Variants in CFAP77 observed in about 807,000 individuals in gnomAD.
The protein encoded by CFAP77 is cilia and flagella associated protein 77.
CFAP77 carries 25 observed loss-of-function variants against 31.1 expected under a neutral mutation model. The observed-to-expected ratio is 0.80, with a 90% confidence interval of 0.59 to 1.12. The LOEUF is 1.12. Ranked by LOEUF, CFAP77 falls within the 50% of genes most tolerant of loss-of-function variation. CFAP77 has a pLI of 0.00. For missense variants in CFAP77, 377 were observed against 397.3 expected (o/e 0.95, Z 0.44); for synonymous variants, 151 against 159.9 (o/e 0.94, Z 0.42).
chr9:132,442,780 G>T (rs924166431), intron 1 of CFAP77, among the ~76,000 whole-genome samples: 5 of 151,608 alleles, frequency 3.3e-5, no homozygotes, highest in African/African-American at 1.2e-4. Flanking sequence ...GGGCTCAAGC[G>T]ATCCTCCCAC....
chr9:132,421,271 C>T (rs938278336), intron 1 of CFAP77, among the ~76,000 whole-genome samples: 5 of 151,518 alleles, frequency 3.3e-5, no homozygotes, highest in Non-Finnish European at 5.9e-5. Flanking sequence ...GGATTACAGG[C>T]GTGAGCCACC....
intron 1 of CFAP77, among the ~76,000 whole-genome samples, chr9:132,426,424 A>C (rs1041000835): frequency 6.6e-6 from 1 of 152,194 alleles, no homozygotes; most frequent in African/African-American, 2.4e-5. Flanking sequence ...GTTGGGGGGA[A>C]ATGAGAAACA....
At chr9:132,474,643 C>T (rs1418118828) in intron 1 of CFAP77, among the ~76,000 whole-genome samples, 4 of 152,124 alleles carry the variant, frequency 2.6e-5, no homozygotes, top group African/African-American at 4.8e-5. Flanking sequence ...GTTCGGGTGG[C>T]GGCGGTAGAG....
At position 132,517,374 on chromosome 9, in the gene CFAP77, G is replaced by A. The variant is rs968019982; in HGVS notation, c.524+17774G>A. 5.9e-5 allele frequency among the ~76,000 whole-genome samples: 9 copies of A among 152,302 alleles called. No individual in the cohort carries two copies. The highest frequency in any genetic ancestry group is 1.4e-4 in the African/African-American group (6 of 41,552). On this transcript the variant is annotated intron_variant, in intron 3 of 5. Coordinates refer to ENST00000393216, the MANE Select transcript of CFAP77 (RefSeq NM_001282957.2). This position sits in a 1 kb window ranked among gnomAD's most constrained non-coding sequence, Gnocchi z 4.7. ...GGAAGAAGCATCAAGAGCCAAATAA[G>A]GACCCGTCTTGAGTGGAATCACGTT...
In CFAP77 at chr9:132,539,107, A is replaced by AAAAT. The variant is rs1227257114; in HGVS notation, c.630+1413_630+1416dup. Among the ~76,000 whole-genome samples, 6 of 152,278 alleles carry AAAAT rather than the reference A, an allele frequency of 3.9e-5. No individual in the cohort carries two copies. The South Asian group carries it at 1.2e-3, about 32-fold the overall frequency. On this transcript the variant is annotated intron_variant, in intron 4 of 5. Transcript: ENST00000393216. This position sits in a 1 kb window ranked among gnomAD's most constrained non-coding sequence, Gnocchi z 4.3. ...GTCTCGATAAAAAAATAAATAAATA[A>AAAAT]AAATAAATAAATAAAATAGTACTTC...
chr9:132,438,703 T>C (rs1230907338), intron 1 of CFAP77, among the ~76,000 whole-genome samples: 2 of 149,934 alleles, frequency 1.3e-5, no homozygotes, highest in Non-Finnish European at 1.5e-5. Context: ...GCCTGGCTAA[T>C]TTTGTATTTT....
At chr9:132,483,962 A>C (rs1209389090) in intron 1 of CFAP77, among the ~76,000 whole-genome samples, 16 of 140,508 alleles carry the variant, frequency 1.1e-4, no homozygotes, top group Non-Finnish European at 2.4e-4. Flanking sequence ...TTTGAGACAC[A>C]TTCTCACTCT....
In CFAP77 at chr9:132,448,024, C is replaced by T. The variant is rs146658054; in HGVS notation, c.195+37558C>T. ...TTATGTGCTTTGTTTGGGAGTGTGGCTTAATTAGATGACAACTTGGAGGTG... is the reference window on the plus strand; with the variant it reads ...TTATGTGCTTTGTTTGGGAGTGTGGTTTAATTAGATGACAACTTGGAGGTG... On this transcript the variant is annotated intron_variant, in intron 1 of 5. Transcript: ENST00000393216. Among the ~76,000 whole-genome samples the T allele has an allele frequency of 5.3e-5, 8 of 152,274 alleles. No homozygotes were observed. The East Asian group carries it at 1.5e-3, about 29-fold the overall frequency.
intron 1 of CFAP77, among the ~76,000 whole-genome samples, chr9:132,472,091 G>A (rs542770632): frequency 5.4e-5 from 8 of 148,384 alleles, no homozygotes; most frequent in Non-Finnish European, 7.5e-5. Context: ...AGATCCCCCC[G>A]CCGCCCCCAT....
At chr9:132,510,705 A>G (rs773565385) in intron 3 of CFAP77, among the ~76,000 whole-genome samples, 1 of 152,032 alleles carries the variant, frequency 6.6e-6, no homozygotes, top group Non-Finnish European at 1.5e-5. Context: ...AGGAACAGTG[A>G]GCTCACAGGA....
intron 5 of CFAP77, among the ~76,000 whole-genome samples, chr9:132,567,060 G>C (rs1341067508): frequency 6.6e-6 from 1 of 152,234 alleles, no homozygotes; most frequent in Non-Finnish European, 1.5e-5. Flanking sequence ...TAGAGGAGGA[G>C]CCCTTCCTTG....
chr9:132,570,377 G>C (rs761721642), intron 5 of CFAP77, among the ~76,000 whole-genome samples: 2 of 152,236 alleles, frequency 1.3e-5, no homozygotes, highest in Non-Finnish European at 2.9e-5. Flanking sequence ...CTGGGCTCAG[G>C]CCTCTCCCTT....
chr9:132,423,022 G>A (rs1241211871), intron 1 of CFAP77, among the ~76,000 whole-genome samples: 1 of 152,208 alleles, frequency 6.6e-6, no homozygotes, highest in Non-Finnish European at 1.5e-5. Context: ...AGTCGTTCAA[G>A]GGAACCTGCT....
At chr9:132,493,034 G>A (rs1053394477) in intron 1 of CFAP77, among the ~76,000 whole-genome samples, 9 of 152,160 alleles carry the variant, frequency 5.9e-5, no homozygotes, top group African/African-American at 1.4e-4. Flanking sequence ...CGCTTTGCAT[G>A]TAGGAGTCCT....
intron 3 of CFAP77, among the ~76,000 whole-genome samples, chr9:132,502,074 C>T (rs1358958506): frequency 6.6e-6 from 1 of 152,164 alleles, no homozygotes; most frequent in African/African-American, 2.4e-5. Flanking sequence ...GGACTTCTTG[C>T]AATCCGAAGC....
At position 132,539,569 on chromosome 9, in the gene CFAP77, C is replaced by T. The variant is rs1296679571; in HGVS notation, c.630+1863C>T. 1.3e-5 allele frequency among the ~76,000 whole-genome samples: 2 copies of T among 152,136 alleles called. No individual in the cohort carries two copies. Among genetic ancestry groups the T allele is most frequent in the Admixed American group, 6.5e-5 (1 of 15,270 alleles). On this transcript the variant is annotated intron_variant, in intron 4 of 5. Transcript: ENST00000393216. The surrounding 1 kb of genome is among the most constrained non-coding windows in gnomAD (Gnocchi z 4.3). ...GGAAAAGCCTGGGGCTCAGCAACAG[C>T]GCCTATGATGTTCTAGGGCCAACCA...
At position 132,552,674 on chromosome 9, in the gene CFAP77, T is replaced by C. The variant is rs542188115; in HGVS notation, c.732+9627T>C. On this transcript the variant is annotated intron_variant, in intron 5 of 5. Transcript: ENST00000393216. This position sits in a 1 kb window ranked among gnomAD's most constrained non-coding sequence, Gnocchi z 5.5. ...TCACGCCACTGCACTCCAGCCCAGG[T>C]GACAGGGTGAGACTCCATCTCAAAA... 2.1e-5 allele frequency among the ~76,000 whole-genome samples: 3 copies of C among 141,178 alleles called. No individual in the cohort carries two copies. Among genetic ancestry groups the C allele is most frequent in the Non-Finnish European group, 3.0e-5 (2 of 66,106 alleles). 92.6% of individuals were successfully genotyped at this position (141,178 alleles called of 152,430 possible).
chr9:132,432,939 C>A (rs1477862344), intron 1 of CFAP77, among the ~76,000 whole-genome samples: 1 of 152,156 alleles, frequency 6.6e-6, no homozygotes, highest in Non-Finnish European at 1.5e-5. Context: ...TGGTCTTGAT[C>A]TCCTGACCTT....
rs59722731 is a variant in CFAP77, at chr9:132,481,959, TG to T, written c.196-16722del. ...TCAGGAAGGAACAAGGGTTTATGGT[TG>T]GGGGGGGGGGGGGCGGCGGAACACT... On this transcript the variant is annotated intron_variant, in intron 1 of 5. Coordinates refer to ENST00000393216, the MANE Select transcript of CFAP77 (RefSeq NM_001282957.2). This position sits in a 1 kb window ranked among gnomAD's most constrained non-coding sequence, Gnocchi z 5.0. Among the ~76,000 whole-genome samples the T allele has an allele frequency of 0.59, 68,084 of 115,050 alleles. 19,453 individuals are homozygous for T. Among genetic ancestry groups the T allele is most frequent in the Admixed American group, 0.65 (7,028 of 10,884 alleles). 75.5% of individuals were successfully genotyped at this position (115,050 alleles called of 152,430 possible). A position where few individuals can be genotyped will look rare whatever the true frequency, so the allele number is the denominator to read the frequency against.
Sources: allele counts gnomAD v4.1 joint callset (sites outside exome capture counted in the v4.1 genomes callset), GRCh38; gene constraint gnomAD v4.1.1; non-coding constraint Gnocchi (gnomAD v3.1); transcripts MANE v1.5; gene names NCBI Gene and HGNC (gene_info 2026-07-23, HGNC 2026-07-21).